The following MPDZ variants were observed in gnomAD, a reference collection of about 807,000 sequenced individuals.
MPDZ encodes multiple PDZ domain protein.
In MPDZ, 234 loss-of-function variants were observed where a neutral mutation model predicts 239.1. The observed-to-expected ratio is 0.98, with a 90% CI of 0.88 to 1.09. The LOEUF (loss-of-function observed/expected upper bound fraction) is 1.09, where lower values mean the gene tolerates loss of function less well. Among genes scored for constraint, MPDZ ranks in the 50% least tolerant of loss-of-function variants. MPDZ has a pLI of 0.00. For synonymous variants in MPDZ, 1,048 were observed against 881.3 expected (o/e 1.19, Z -3.35); for missense variants, 3,175 against 2,510.0 (o/e 1.26, Z -5.66).
intron 1 of MPDZ, among the ~76,000 whole-genome samples, chr9:13,271,661 C>A (rs536080322): frequency 2.0e-5 from 3 of 152,182 alleles, no homozygotes; most frequent in Admixed American, 2.0e-4. Context: ...AATTCACAGG[C>A]CTCACTTATA....
chr9:13,115,428 G>C, intron 39 of MPDZ, 94 bp from the exon 40 acceptor site: 2 of 997,566 alleles, frequency 2.0e-6, no homozygotes, highest in South Asian at 2.8e-5. Context: ...AGACTTTTTT[G>C]AAAGGCATCT....
intron 23 of MPDZ, among the ~76,000 whole-genome samples, chr9:13,159,966 T>G (rs942745639): frequency 6.6e-6 from 1 of 152,180 alleles, no homozygotes; most frequent in African/African-American, 2.4e-5. Context: ...AACAAAAATG[T>G]TATCAACTAT....
intron 39 of MPDZ, among the ~76,000 whole-genome samples, chr9:13,115,738 G>C (rs1055616317): frequency 6.6e-6 from 1 of 152,046 alleles, no homozygotes; most frequent in African/African-American, 2.4e-5. Flanking sequence ...GAGGTCAGGA[G>C]ATCAAGACCA....
Position 13,194,715 on chromosome 9 carries a change from TA to T in MPDZ, c.1657-1403del, listed in dbSNP as rs918355391. Among the ~76,000 whole-genome samples the T allele has an allele frequency of 3.2e-4, 47 of 148,900 alleles. 1 individual carries two copies. The highest frequency in any genetic ancestry group is 9.4e-4 in the Admixed American group (14 of 14,858). On this transcript the variant is annotated intron_variant, in intron 13 of 46. Coordinates refer to ENST00000319217, the MANE Select transcript of MPDZ (RefSeq NM_001378778.1). ...TATCCTAGAACTTAAAAGTAAAATT[TA>T]AAAAAAAAAGTTCAGTCTGAGCTCT...
At chr9:13,183,976 T>C (rs763532046) in intron 18 of MPDZ, among the ~76,000 whole-genome samples, 1 of 152,040 alleles carries the variant, frequency 6.6e-6, no homozygotes, top group Non-Finnish European at 1.5e-5. Context: ...AAATAAACTG[T>C]TATTCAATGA....
At chr9:13,168,263 G>T (rs930865734) in intron 22 of MPDZ, 103 bp downstream of exon 22, 2 of 1,022,296 alleles carry the variant, frequency 2.0e-6, no homozygotes, top group Non-Finnish European at 1.5e-6. Context: ...AAAAAAATGT[G>T]ATAACGTTTG....
intron 3 of MPDZ, 104 bp downstream of exon 3, chr9:13,247,531 A>G: frequency 8.1e-7 from 1 of 1,235,340 alleles, no homozygotes; most frequent in East Asian, 2.5e-5. Context: ...GACTTCATTA[A>G]CTATTCATTA....
At chr9:13,115,950 CAAAAAAAAAAAA>C (rs71491603) in intron 39 of MPDZ, among the ~76,000 whole-genome samples, 1 of 40,616 alleles carries the variant, frequency 2.5e-5, no homozygotes, top group Non-Finnish European at 4.8e-5. Context: ...GACTCCACCT[CAAAAAAAAAAAA>C]AAAAAAAAAA....
chr9:13,168,208 C>T (rs950260325), intron 22 of MPDZ, among the ~76,000 whole-genome samples, 158 bp downstream of exon 22: 3 of 151,978 alleles, frequency 2.0e-5, no homozygotes, highest in South Asian at 2.1e-4. Flanking sequence ...AACTTACAAT[C>T]GAGAACTACT....
chr9:13,183,330 T>C (rs2134508386), intron 19 of MPDZ, 88 bp downstream of exon 19: 3 of 1,039,974 alleles, frequency 2.9e-6, no homozygotes, highest in Non-Finnish European at 4.1e-6. Flanking sequence ...TCCAATATGT[T>C]ATTCCCACAA....
intron 1 of MPDZ, among the ~76,000 whole-genome samples, chr9:13,259,556 AG>A (rs1217355145): frequency 6.6e-6 from 1 of 152,130 alleles, no homozygotes; most frequent in African/African-American, 2.4e-5. Context: ...AACACAAAGG[AG>A]GGTCACCCAA....
In MPDZ at chr9:13,138,094, T is replaced by C. The variant is rs748396160; in HGVS notation, c.4063A>G (p.Lys1355Glu). Residue 1355 changes from lysine to glutamate, a missense_variant, in exon 29 of 47, where the codon AAA becomes GAA. Coordinates refer to ENST00000319217, the MANE Select transcript of MPDZ (RefSeq NM_001378778.1). ...CTTAGGCCCAAACCACTATGACCTTTCTCCAGTTCAATCATATGCAGCTCG... is the reference window on the plus strand; with the variant it reads ...CTTAGGCCCAAACCACTATGACCTTCCTCCAGTTCAATCATATGCAGCTCG... ...TGELHMIELE[K>E]GHSGLGLSLA... 6.2e-7 allele frequency: 1 copy of C among 1,612,980 alleles called. No individual in the cohort carries two copies. Among genetic ancestry groups the C allele is most frequent in the South Asian group, 1.1e-5 (1 of 90,810 alleles).
intron 21 of MPDZ, among the ~76,000 whole-genome samples, chr9:13,172,506 C>T (rs1951918127): frequency 6.6e-6 from 1 of 151,862 alleles, no homozygotes; most frequent in Non-Finnish European, 1.5e-5. Flanking sequence ...CCTCAGCCTC[C>T]TGAGTAGCTG....
intron 35 of MPDZ, 115 bp downstream of exon 35, chr9:13,125,101 A>G: frequency 1.0e-6 from 1 of 964,876 alleles, no homozygotes. Flanking sequence ...GGGCTCCCTG[A>G]CTACAACCTT....
intron 3 of MPDZ, among the ~76,000 whole-genome samples, chr9:13,230,422 A>G (rs1962047848): frequency 6.6e-6 from 1 of 152,194 alleles, no homozygotes; most frequent in Non-Finnish European, 1.5e-5. Context: ...GGTAAATCCA[A>G]TAAGAAATAC....
intron 21 of MPDZ, among the ~76,000 whole-genome samples, chr9:13,172,846 T>C (rs1242095912): frequency 1.3e-5 from 2 of 152,222 alleles, no homozygotes; most frequent in African/African-American, 4.8e-5. Flanking sequence ...TAACCTAGTA[T>C]ATTTTATATC....
chr9:13,278,651 C>CG (rs923034700), intron 1 of MPDZ, among the ~76,000 whole-genome samples: 1 of 152,120 alleles, frequency 6.6e-6, no homozygotes, highest in African/African-American at 2.4e-5. Context: ...CCCATCAGCG[C>CG]GGGGGGTGAG....
At chr9:13,117,715 G>T (rs189761067) in intron 39 of MPDZ, among the ~76,000 whole-genome samples, 1 of 152,090 alleles carries the variant, frequency 6.6e-6, no homozygotes, top group African/African-American at 2.4e-5. Context: ...ATGAAGTTGT[G>T]TATAGAGGAT....
rs745695472 is a variant in MPDZ at position 13,224,367 on chromosome 9, T to C, written c.393+7A>G. On this transcript the variant is annotated splice_region_variant and intron_variant, in intron 4 of 46. Coordinates refer to ENST00000319217, the MANE Select transcript of MPDZ (RefSeq NM_001378778.1). ...TTACAATAACTAACAGAAAGAAATG[T>C]TCTTACCTGGGCCATATTTTTGATA... 1.9e-6 allele frequency: 3 copies of C among 1,606,332 alleles called. No individual in the cohort carries two copies. Among genetic ancestry groups the C allele is most frequent in the Non-Finnish European group, 2.6e-6 (3 of 1,174,814 alleles).
Sources: allele counts gnomAD v4.1 joint callset (sites outside exome capture counted in the v4.1 genomes callset), GRCh38; gene constraint gnomAD v4.1.1; transcripts MANE v1.5; gene names NCBI Gene and HGNC (gene_info 2026-07-23, HGNC 2026-07-21).